The following WAC variants were observed in gnomAD, a reference collection of about 807,000 sequenced individuals.
WAC encodes WW domain-containing adapter protein with coiled-coil.
In WAC, 11 loss-of-function variants were observed where a neutral mutation model predicts 79.6. The observed-to-expected ratio is 0.14, with a 90% CI of 0.09 to 0.23. WAC has a LOEUF of 0.23. Among genes scored for constraint, WAC ranks in the 10% least tolerant of loss-of-function variants. The probability of loss-of-function intolerance (pLI) is 1.00; values close to 1 mark genes in which losing one functional copy is unlikely to be tolerated. For synonymous variants in WAC, 304 were observed against 276.9 expected, an observed-to-expected ratio of 1.10 and a Z score of -0.97; for missense variants, 728 against 773.5, an observed-to-expected ratio of 0.94 and a Z score of 0.70.
chr10:28,556,189 C>CA (rs1050043860), intron 3 of WAC, among the ~76,000 whole-genome samples: 8 of 151,998 alleles, frequency 5.3e-5, no homozygotes, highest in African/African-American at 1.9e-4. Context: ...CAATAGTGTA[C>CA]AAAGGTTCCC....
At chr10:28,608,525 C>T (rs1841069731) in intron 8 of WAC, 94 bp downstream of exon 8, 1 of 1,321,278 alleles carries the variant, frequency 7.6e-7, no homozygotes, top group East Asian at 2.6e-5. Context: ...TCTTTGTTTT[C>T]TTTTGAAATT....
At chr10:28,563,951 G>T (rs1838452094) in intron 3 of WAC, among the ~76,000 whole-genome samples, 1 of 151,766 alleles carries the variant, frequency 6.6e-6, no homozygotes, top group Non-Finnish European at 1.5e-5. Context: ...TTGAATAGAG[G>T]CTTGTTTTCT....
At chr10:28,560,786 C>T (rs1048423439) in intron 3 of WAC, among the ~76,000 whole-genome samples, 3 of 152,228 alleles carry the variant, frequency 2.0e-5, no homozygotes, top group Non-Finnish European at 2.9e-5. Context: ...TAAAAGCAGC[C>T]ACAGGCAAGA....
At chr10:28,556,531 TTC>T (rs1050134984) in intron 3 of WAC, among the ~76,000 whole-genome samples, 3 of 151,884 alleles carry the variant, frequency 2.0e-5, no homozygotes, top group Non-Finnish European at 4.4e-5. Context: ...GTTGATTTTT[TTC>T]TTTTTTTCGT....
chr10:28,610,655 AGC>A (rs1841193563), intron 8 of WAC, 42 bp from the exon 9 acceptor site: 1 of 1,559,416 alleles, frequency 6.4e-7, no homozygotes, highest in African/African-American at 1.4e-5. Flanking sequence ...ATGCCACATA[AGC>A]CTCTTGTTTT....
At chr10:28,533,841 G>C (rs1677340417) in intron 1 of WAC, 157 bp from the exon 2 acceptor site, 2 of 1,050,742 alleles carry the variant, frequency 1.9e-6, no homozygotes, top group African/African-American at 1.7e-5. Flanking sequence ...CGGCCCTTCC[G>C]GAGGCTCCGG....
intron 3 of WAC, among the ~76,000 whole-genome samples, chr10:28,573,263 A>G (rs1420168398): frequency 6.6e-6 from 1 of 152,030 alleles, no homozygotes; most frequent in African/African-American, 2.4e-5. Context: ...TCCCCCCCAA[A>G]ATTACTGTAT....
intron 3 of WAC, among the ~76,000 whole-genome samples, chr10:28,548,609 G>C (rs1470623963): frequency 1.3e-5 from 2 of 151,990 alleles, no homozygotes; most frequent in Admixed American, 1.3e-4. Context: ...ATACTCTTGA[G>C]AATTTGGGTT....
intron 6 of WAC, among the ~76,000 whole-genome samples, chr10:28,594,851 G>A (rs375669820): frequency 2.0e-4 from 31 of 152,236 alleles, no homozygotes; most frequent in African/African-American, 7.2e-4. Flanking sequence ...ATTTAGATTG[G>A]ACACTTTGAA....
intron 3 of WAC, among the ~76,000 whole-genome samples, chr10:28,566,536 T>C (rs1838624190): frequency 6.6e-6 from 1 of 152,204 alleles, no homozygotes; most frequent in Non-Finnish European, 1.5e-5. Context: ...TTGATTTTTC[T>C]TATGATTGTC....
At chr10:28,581,463 A>C (rs987196519) in intron 3 of WAC, among the ~76,000 whole-genome samples, 8 of 152,100 alleles carry the variant, frequency 5.3e-5, no homozygotes, top group Non-Finnish European at 7.4e-5. Flanking sequence ...CATGTCTGTC[A>C]AGGGCCAGCT....
chr10:28,617,997 CT>C (rs1220132446), intron 13 of WAC: 3 of 397,564 alleles, frequency 7.5e-6, no homozygotes, highest in East Asian at 1.2e-4. Context: ...CTTCATTAGA[CT>C]TTTCTCATAA....
chr10:28,598,656 A>G (rs150104452), intron 7 of WAC, among the ~76,000 whole-genome samples: 3 of 152,290 alleles, frequency 2.0e-5, no homozygotes, highest in Admixed American at 1.3e-4. Flanking sequence ...CATTACCCCA[A>G]TTCAAACGTG....
At chr10:28,534,527 A>G (rs1011997905) in intron 2 of WAC, among the ~76,000 whole-genome samples, 4 of 152,246 alleles carry the variant, frequency 2.6e-5, no homozygotes, top group African/African-American at 9.6e-5. Flanking sequence ...TTGCCTTACA[A>G]GTAAAAGATA....
intron 3 of WAC, among the ~76,000 whole-genome samples, chr10:28,546,867 CTTT>C: frequency 7.0e-6 from 1 of 142,092 alleles, no homozygotes; most frequent in Admixed American, 7.0e-5. Context: ...TTTGATTTGT[CTTT>C]TTTTTTTTTA....
chr10:28,584,590 A>G (rs749957413), intron 4 of WAC, among the ~76,000 whole-genome samples: 12 of 152,166 alleles, frequency 7.9e-5, no homozygotes, highest in Admixed American at 2.6e-4. Context: ...AGAATGAACA[A>G]TGAGAAGGCT....
At chr10:28,585,544 CTTTTT>C (rs112475517) in intron 4 of WAC, among the ~76,000 whole-genome samples, 1 of 141,270 alleles carries the variant, frequency 7.1e-6, no homozygotes. Flanking sequence ...TTTTTCCTTT[CTTTTT>C]TTTTTTTTTC....
At chr10:28,598,777 T>G (rs1399807307) in intron 7 of WAC, among the ~76,000 whole-genome samples, 1 of 152,312 alleles carries the variant, frequency 6.6e-6, no homozygotes, top group East Asian at 1.9e-4. Flanking sequence ...TAATGTAAAA[T>G]TTCTGACAGA....
intron 3 of WAC, among the ~76,000 whole-genome samples, chr10:28,553,918 G>A (rs985414143): frequency 2.6e-5 from 4 of 152,026 alleles, no homozygotes; most frequent in Non-Finnish European, 5.9e-5. Context: ...AACCATGCTG[G>A]AGTGCAGTGG....
Sources: allele counts gnomAD v4.1 joint callset (sites outside exome capture counted in the v4.1 genomes callset), GRCh38; gene constraint gnomAD v4.1.1; transcripts MANE v1.5; gene names NCBI Gene and HGNC (gene_info 2026-07-23, HGNC 2026-07-21).